Variants in RAP2A observed in about 807,000 individuals in gnomAD.
The protein encoded by RAP2A is ras-related protein Rap-2a.
RAP2A carries 5 observed loss-of-function variants against 15.1 expected under a neutral mutation model. The observed-to-expected ratio is 0.33, with a 90% CI of 0.17 to 0.70. RAP2A has a LOEUF of 0.70. Among genes scored for constraint, RAP2A ranks in the 30% least tolerant of loss-of-function variants. The pLI is 0.68. For missense variants in RAP2A, 111 were observed against 240.3 expected (o/e 0.46, Z 3.56); for synonymous variants, 110 against 99.7 (o/e 1.10, Z -0.62).
intron 1 of RAP2A, among the ~76,000 whole-genome samples, chr13:97,441,010 CTT>C (rs944158516): frequency 4.6e-5 from 7 of 152,060 alleles, no homozygotes; most frequent in African/African-American, 7.2e-5. Flanking sequence ...GAAAAGGAAA[CTT>C]TTGTTTTGGC....
At chr13:97,440,866 T>C (rs1354751615) in intron 1 of RAP2A, among the ~76,000 whole-genome samples, 1 of 152,212 alleles carries the variant, frequency 6.6e-6, no homozygotes, top group Non-Finnish European at 1.5e-5. Flanking sequence ...AGTTCTGTCT[T>C]CTTAGCAAAT....
chr13:97,439,070 A>G (rs1301864604), intron 1 of RAP2A, among the ~76,000 whole-genome samples: 1 of 152,176 alleles, frequency 6.6e-6, no homozygotes, highest in African/African-American at 2.4e-5. Context: ...TGTATTCCAG[A>G]TGGAGGAAAT....
chr13:97,467,678 T>C lies in RAP2A; in HGVS notation c.*3236T>C, dbSNP rs79326129. 22 of 7,942 alleles carry C rather than the reference T, an allele frequency of 2.8e-3. No homozygotes were observed. Among genetic ancestry groups the C allele is most frequent in the Admixed American group, 7.0e-3 (6 of 852 alleles). 0.5% of individuals were successfully genotyped at this position (7,942 alleles called of 1,614,324 possible). A position where few individuals can be genotyped will look rare whatever the true frequency, so the allele number is the denominator to read the frequency against. ...TCAAACATTAAGGACTATGGAGGTC[T>C]TTTTTTTTTTATTTAACATGTCATT... On this transcript the variant is annotated 3_prime_UTR_variant, in exon 2 of 2. Transcript: ENST00000245304.
At chr13:97,441,144 G>C (rs1205783553) in intron 1 of RAP2A, among the ~76,000 whole-genome samples, 1 of 152,108 alleles carries the variant, frequency 6.6e-6, no homozygotes. Context: ...CATTCTGTGA[G>C]AGCACTTTTG....
At chr13:97,458,924 C>G (rs1037239085) in intron 1 of RAP2A, among the ~76,000 whole-genome samples, 10 of 151,968 alleles carry the variant, frequency 6.6e-5, no homozygotes, top group African/African-American at 1.9e-4. Flanking sequence ...GTCCATTAAG[C>G]AGAGCTGCTT....
In RAP2A at chr13:97,438,876, A is replaced by G. The variant is rs74105084; in HGVS notation, c.314+4092A>G. Reference sequence around the variant, plus strand: ...GTTGAAAAAATGAATGTTCAGAAAGAAAAGTATTTGTATTGTTGTTTGGCC... The same window carrying G: ...GTTGAAAAAATGAATGTTCAGAAAGGAAAGTATTTGTATTGTTGTTTGGCC... On this transcript the variant is annotated intron_variant, in intron 1 of 1. Coordinates refer to ENST00000245304, the MANE Select transcript of RAP2A (RefSeq NM_021033.7). Among the ~76,000 whole-genome samples, 281 of 152,332 alleles carry G rather than the reference A, an allele frequency of 1.8e-3. 1 individual carries two copies. Among genetic ancestry groups the G allele is most frequent in the African/African-American group, 6.4e-3 (267 of 41,570 alleles).
intron 1 of RAP2A, chr13:97,437,776 T>A (rs1263799391): frequency 6.6e-6 from 1 of 152,234 alleles, no homozygotes; most frequent in Non-Finnish European, 1.5e-5. Context: ...GAATGAACAT[T>A]TAACTTCAAG....
chr13:97,455,995 C>T (rs776648312), intron 1 of RAP2A, among the ~76,000 whole-genome samples: 4 of 151,426 alleles, frequency 2.6e-5, no homozygotes, highest in Admixed American at 2.6e-4. Flanking sequence ...CTCCCACTCT[C>T]TTCGGGACTG....
intron 1 of RAP2A, 124 bp downstream of exon 1, chr13:97,434,908 A>C (rs1343807559): frequency 7.4e-7 from 1 of 1,346,466 alleles, no homozygotes; most frequent in Non-Finnish European, 1.0e-6. Context: ...TGGAGGCTTT[A>C]CTATTGTCAT....
intron 1 of RAP2A, among the ~76,000 whole-genome samples, chr13:97,455,193 T>C (rs868782379): frequency 6.6e-6 from 1 of 151,578 alleles, no homozygotes; most frequent in African/African-American, 2.4e-5. Context: ...TGTACAGTCT[T>C]CTCATCCGTG....
At position 97,467,556 on chromosome 13, in the gene RAP2A, G is replaced by A. The variant is rs2066777513; in HGVS notation, c.*3114G>A. ...AATATGAAAGTGCTTTGTTTTGTTT[G>A]TTGCTGTTTTTTGTTTATGTGTGTG... On this transcript the variant is annotated 3_prime_UTR_variant, in exon 2 of 2. Coordinates refer to ENST00000245304, the MANE Select transcript of RAP2A (RefSeq NM_021033.7). The A allele has an allele frequency of 6.6e-6, 1 of 152,366 alleles. No individual in the cohort carries two copies. The highest frequency in any genetic ancestry group is 2.4e-5 in the African/African-American group (1 of 41,336). 9.4% of individuals were successfully genotyped at this position (152,366 alleles called of 1,614,324 possible).
At chr13:97,448,779 G>A (rs1487468705) in intron 1 of RAP2A, among the ~76,000 whole-genome samples, 1 of 152,192 alleles carries the variant, frequency 6.6e-6, no homozygotes, top group Non-Finnish European at 1.5e-5. Context: ...CCATGAGAAT[G>A]TGGGTTTTGA....
rs2066704492 is a variant in RAP2A at position 97,452,118 on chromosome 13, T to C, written c.315-12087T>C. 1.3e-5 allele frequency among the ~76,000 whole-genome samples: 2 copies of C among 151,346 alleles called. 1 individual carries two copies. Among genetic ancestry groups the C allele is most frequent in the African/African-American group, 4.9e-5 (2 of 41,046 alleles). ...ACTTAATAGTTTCCTTGAGTGAGCA[T>C]AAATTCTTAATTTTATTGAAGTCAA... On this transcript the variant is annotated intron_variant, in intron 1 of 1. Transcript: ENST00000245304.
chr13:97,441,775 T>C (rs2153179205), intron 1 of RAP2A: 1 of 451,774 alleles, frequency 2.2e-6, no homozygotes, highest in African/African-American at 2.0e-5. Context: ...CAGGCCTATG[T>C]TGTAAAAAGA....
chr13:97,464,269 T>C lies in RAP2A; in HGVS notation c.379T>C (p.Ser127Pro). 1 of 1,614,216 alleles carries C rather than the reference T, an allele frequency of 6.2e-7. No individual in the cohort carries two copies. The highest frequency in any genetic ancestry group is 8.5e-7 in the Non-Finnish European group (1 of 1,180,046). The change falls in exon 2 of 2, where the codon TCG (serine) becomes CCG (proline). Residue 127 changes from serine (S) to proline (P), a missense_variant. Ser to Pro is a moderately conservative substitution (Grantham distance 74). This residue lies in a region of RAP2A where 74 missense variants were observed against 132.3 expected (regional missense o/e 0.56). Transcript: ENST00000245304. Reference protein sequence around the residue: ...KVDLESEREVSSSEGRALAEE... With the variant: ...KVDLESEREVPSSEGRALAEE... ...GGACCTGGAAAGTGAGAGAGAAGTA[T>C]CGTCCAGCGAAGGCAGAGCCCTTGC... is the stretch of plus-strand genomic sequence containing the variant.
intron 1 of RAP2A, among the ~76,000 whole-genome samples, chr13:97,444,407 C>G (rs1307500332): frequency 6.6e-6 from 1 of 152,088 alleles, no homozygotes; most frequent in African/African-American, 2.4e-5. Flanking sequence ...TTTATGAATA[C>G]CAAATATGCA....
chr13:97,447,993 CTTTTTTT>C (rs1234391694), intron 1 of RAP2A, among the ~76,000 whole-genome samples: 3 of 132,846 alleles, frequency 2.3e-5, no homozygotes, highest in Non-Finnish European at 3.3e-5. Flanking sequence ...TTTCTTTTTT[CTTTTTTT>C]ATTAACCCAC....
At chr13:97,449,100 G>A (rs1336828002) in intron 1 of RAP2A, among the ~76,000 whole-genome samples, 2 of 152,120 alleles carry the variant, frequency 1.3e-5, no homozygotes, top group Non-Finnish European at 2.9e-5. Flanking sequence ...CACACAGGCT[G>A]TAGGGCAGGA....
rs900265065 is a variant in RAP2A at position 97,465,549 on chromosome 13, G to A, written c.*1107G>A. On this transcript the variant is annotated 3_prime_UTR_variant, in exon 2 of 2. Coordinates refer to ENST00000245304, the MANE Select transcript of RAP2A (RefSeq NM_021033.7). ...TGAATAACCATGTGAAATAATTTGG[G>A]CTTAAAAGTGAACATAAATTATAGA... 2.0e-5 allele frequency: 3 copies of A among 152,574 alleles called. No homozygotes were observed. Among genetic ancestry groups the A allele is most frequent in the African/African-American group, 7.2e-5 (3 of 41,422 alleles). The allele number at this position is 152,574 out of a possible 1,614,324, so 9.5% of individuals were successfully genotyped here. A position where few individuals can be genotyped will look rare whatever the true frequency, so the allele number is the denominator to read the frequency against.
Sources: gnomAD v4.1 joint callset for allele counts (sites outside exome capture counted in the v4.1 genomes callset) on GRCh38, gnomAD v4.1.1 for gene constraint, gnomAD v4.1.1 regional missense constraint, MANE v1.5 for transcripts, NCBI Gene and HGNC (gene_info 2026-07-23, HGNC 2026-07-21) for gene names.